Variants in RAP2A observed in about 807,000 individuals in gnomAD.
RAP2A encodes RAP2A, member of RAS oncogene family, also known as ras-related protein Rap-2a.
A neutral mutation model predicts 15.1 loss-of-function variants in RAP2A; 5 were observed. That is an observed-to-expected ratio of 0.33 (90% CI 0.17 to 0.70). RAP2A has a LOEUF of 0.70. Ranked by LOEUF, RAP2A falls within the 30% of genes least tolerant of loss-of-function variation. RAP2A has a pLI of 0.68. For missense variants in RAP2A, 111 were observed against 240.3 expected (o/e 0.46, Z 3.56); for synonymous variants, 110 against 99.7 (o/e 1.10, Z -0.62).
intron 1 of RAP2A, among the ~76,000 whole-genome samples, chr13:97,458,612 G>T (rs1403169724): frequency 6.6e-6 from 1 of 152,146 alleles, no homozygotes; most frequent in Non-Finnish European, 1.5e-5. Context: ...CTTGGGTCCT[G>T]ATCCCACAGA....
In RAP2A at chr13:97,468,512, G is replaced by A. The variant is rs2066782284; in HGVS notation, c.*4070G>A. Reference sequence around the variant, plus strand: ...CAGCCTTCAGCTGCTCTGATAAGGAGCCCATTCATTTCCTAAGCCAATTTA... The same window carrying A: ...CAGCCTTCAGCTGCTCTGATAAGGAACCCATTCATTTCCTAAGCCAATTTA... On this transcript the variant is annotated 3_prime_UTR_variant, in exon 2 of 2. Transcript: ENST00000245304. 6.6e-6 allele frequency: 1 copy of A among 152,186 alleles called. No homozygotes were observed. The highest frequency in any genetic ancestry group is 2.4e-5 in the African/African-American group (1 of 41,448). 9.4% of individuals were successfully genotyped at this position (152,186 alleles called of 1,614,324 possible). A position where few individuals can be genotyped will look rare whatever the true frequency, so the allele number is the denominator to read the frequency against.
chr13:97,457,736 G>C (rs1371477857), intron 1 of RAP2A, among the ~76,000 whole-genome samples: 1 of 152,018 alleles, frequency 6.6e-6, no homozygotes, highest in Non-Finnish European at 1.5e-5. Context: ...AAAATAATTT[G>C]GAAGGATAGA....
chr13:97,447,641 T>C (rs552142208), intron 1 of RAP2A, among the ~76,000 whole-genome samples: 7 of 152,302 alleles, frequency 4.6e-5, no homozygotes, highest in Non-Finnish European at 7.4e-5. Context: ...TAATAAAGCA[T>C]TTTAGATAGT....
chr13:97,459,250 G>A (rs191533977), intron 1 of RAP2A, among the ~76,000 whole-genome samples: 1 of 151,904 alleles, frequency 6.6e-6, no homozygotes, highest in African/African-American at 2.4e-5. Context: ...ATGTCCAAAT[G>A]ATGAAAAGGG....
chr13:97,458,273 A>C (rs1450467494), intron 1 of RAP2A, among the ~76,000 whole-genome samples: 1 of 152,184 alleles, frequency 6.6e-6, no homozygotes, highest in Non-Finnish European at 1.5e-5. Context: ...ATTATATTTC[A>C]ACCTGCTTAT....
At chr13:97,450,716 A>G (rs2066698907) in intron 1 of RAP2A, among the ~76,000 whole-genome samples, 1 of 152,142 alleles carries the variant, frequency 6.6e-6, no homozygotes, top group African/African-American at 2.4e-5. Flanking sequence ...TTGGTTTCTA[A>G]ATGATAAGGT....
In RAP2A at chr13:97,434,749, C is replaced by T. The variant is rs1383129273; in HGVS notation, c.279C>T (p.Ile93=). The T allele has an allele frequency of 2.5e-6, 4 of 1,614,028 alleles. No individual in the cohort carries two copies. Among genetic ancestry groups the T allele is most frequent in the Non-Finnish European group, 3.4e-6 (4 of 1,180,020 alleles). The change falls in exon 1 of 2, where the codon ATC becomes ATT. Residue 93 remains isoleucine, a synonymous_variant. Transcript: ENST00000245304. ...SLVNQQSFQD[I]KPMRDQIIRV... is the part of the protein sequence containing the mutation. ...TCAACCAGCAGAGCTTCCAGGACAT[C>T]AAGCCCATGCGGGACCAGATCATCC... is the stretch of plus-strand genomic sequence containing the variant.
At chr13:97,448,982 G>A (rs1395940696) in intron 1 of RAP2A, among the ~76,000 whole-genome samples, 1 of 152,098 alleles carries the variant, frequency 6.6e-6, no homozygotes. Context: ...CACATAGGTC[G>A]CATGTTATGG....
intron 1 of RAP2A, among the ~76,000 whole-genome samples, chr13:97,443,003 T>G: frequency 6.6e-6 from 1 of 152,208 alleles, no homozygotes; most frequent in Non-Finnish European, 1.5e-5. Context: ...TCAAGATAAC[T>G]TTTGCCTTGT....
intron 1 of RAP2A, among the ~76,000 whole-genome samples, chr13:97,462,772 CT>C (rs1351103132): frequency 6.6e-6 from 1 of 152,072 alleles, no homozygotes; most frequent in Non-Finnish European, 1.5e-5. Context: ...AGTATGCCCT[CT>C]TGTTGAGACC....
At chr13:97,439,925 A>G (rs1262048903) in intron 1 of RAP2A, among the ~76,000 whole-genome samples, 4 of 152,086 alleles carry the variant, frequency 2.6e-5, no homozygotes, top group South Asian at 2.1e-4. Context: ...TTAATTTTCT[A>G]TATCACTTAA....
intron 1 of RAP2A, among the ~76,000 whole-genome samples, chr13:97,458,689 TTGA>T (rs1814019434): frequency 6.6e-6 from 1 of 152,338 alleles, no homozygotes; most frequent in Admixed American, 6.5e-5. Flanking sequence ...TCAAGTTGTG[TTGA>T]TGATCAGCCA....
chr13:97,434,593 C>G lies in RAP2A; in HGVS notation c.123C>G (p.Arg41=). 6.2e-7 allele frequency: 1 copy of G among 1,614,156 alleles called. No individual in the cohort carries two copies. Among genetic ancestry groups the G allele is most frequent in the Non-Finnish European group, 8.5e-7 (1 of 1,180,016 alleles). The change falls in exon 1 of 2, where the codon CGC becomes CGG. Residue 41 remains arginine (R), a synonymous_variant. Transcript: ENST00000245304. The stretch of plus-strand genomic sequence containing the variant: ...ACCCCACCATCGAGGACTTCTACCG[C>G]AAGGAGATCGAGGTGGATTCGTCGC... The part of the protein sequence containing the change: ...KYDPTIEDFY[R]KEIEVDSSPS...
rs1326764450 is a variant in RAP2A, at chr13:97,464,469, G to C, written c.*27G>C. Reference sequence around the variant, plus strand: ...ATCCAAATATGGCTGTCCTGGATGGGATTTGCCCAATGTCGTAGGTGATAG... The same window carrying C: ...ATCCAAATATGGCTGTCCTGGATGGCATTTGCCCAATGTCGTAGGTGATAG... On this transcript the variant is annotated 3_prime_UTR_variant, in exon 2 of 2. Transcript: ENST00000245304. The C allele has an allele frequency of 6.2e-7, 1 of 1,604,948 alleles. No homozygotes were observed. Among genetic ancestry groups the C allele is most frequent in the Admixed American group, 1.7e-5 (1 of 59,968 alleles).
rs2066705371 is a variant in RAP2A, at chr13:97,452,351, T to C, written c.315-11854T>C. Among the ~76,000 whole-genome samples, 3 of 151,062 alleles carry C rather than the reference T, an allele frequency of 2.0e-5. No homozygotes were observed. The South Asian group carries it at 6.3e-4, about 32-fold the overall frequency. On this transcript the variant is annotated intron_variant, in intron 1 of 1. Transcript: ENST00000245304. The stretch of plus-strand genomic sequence containing the variant: ...TTTGTTTTGTTTTGCATATGGCTAT[T>C]CAGTTGACCCAACATCATTTATATA...
Position 97,467,667 on chromosome 13 carries a change from C to G in RAP2A, c.*3225C>G, listed in dbSNP as rs2066778105. On this transcript the variant is annotated 3_prime_UTR_variant, in exon 2 of 2. Transcript: ENST00000245304. The stretch of plus-strand genomic sequence containing the variant: ...CCCTTAGCCAATCAAACATTAAGGA[C>G]TATGGAGGTCTTTTTTTTTTTATTT... The G allele has an allele frequency of 9.0e-6, 1 of 111,594 alleles. No individual in the cohort carries two copies. Among genetic ancestry groups the G allele is most frequent in the South Asian group, 3.5e-4 (1 of 2,844 alleles). The allele number at this position is 111,594 out of a possible 1,614,324, so 6.9% of individuals were successfully genotyped here.
intron 1 of RAP2A, among the ~76,000 whole-genome samples, chr13:97,447,286 G>GTGTAGCCCT (rs1485163403): frequency 2.0e-5 from 3 of 152,298 alleles, no homozygotes; most frequent in African/African-American, 7.2e-5. Context: ...AAATTCAAAT[G>GTGTAGCCCT]TATGTATGTG....
chr13:97,443,769 A>G (rs1382463729), intron 1 of RAP2A, among the ~76,000 whole-genome samples: 1 of 152,178 alleles, frequency 6.6e-6, no homozygotes, highest in East Asian at 1.9e-4. Context: ...GGAGTATTTT[A>G]TTGTATATAC....
Position 97,464,247 on chromosome 13 carries a change from C to T in RAP2A, c.357C>T (p.Asp119=), listed in dbSNP as rs747923454. Residue 119 remains aspartate, a synonymous_variant, in exon 2 of 2, where the codon GAC becomes GAT. Transcript: ENST00000245304. ...VPVILVGNKV[D]LESEREVSSS... is the part of the protein sequence containing the mutation. ...TCATCTTGGTTGGGAACAAAGTGGA[C>T]CTGGAAAGTGAGAGAGAAGTATCGT... The T allele has an allele frequency of 1.4e-5, 22 of 1,614,028 alleles. No homozygotes were observed. The highest frequency in any genetic ancestry group is 1.8e-5 in the Non-Finnish European group (21 of 1,180,040).
Sources: gnomAD v4.1 joint callset for allele counts (sites outside exome capture counted in the v4.1 genomes callset) on GRCh38, gnomAD v4.1.1 for gene constraint, MANE v1.5 for transcripts, NCBI Gene and HGNC (gene_info 2026-07-23, HGNC 2026-07-21) for gene names.